CPE: variants seen among roughly 807,000 people sequenced by gnomAD.
CPE encodes the protein carbocypeptidase E.
Under a neutral mutation model 53.5 loss-of-function variants are expected in CPE, and 17 were observed. The observed-to-expected ratio is 0.32, with a 90% CI of 0.22 to 0.48. The LOEUF is 0.48. Among genes scored for constraint, CPE ranks in the 20% least tolerant of loss-of-function variants. The pLI, the probability that CPE is intolerant of heterozygous loss-of-function variation, is 0.99. For missense variants in CPE, 524 were observed against 614.7 expected (o/e 0.85, Z 1.56); for synonymous variants, 226 against 228.8 (o/e 0.99, Z 0.11).
At chr4:165,387,283 G>A (rs1730609037) in intron 1 of CPE, among the ~76,000 whole-genome samples, 1 of 152,168 alleles carries the variant, frequency 6.6e-6, no homozygotes, top group African/African-American at 2.4e-5. Context: ...GTTAAGCAAA[G>A]ATAAATGAAT....
chr4:165,409,405 T>C (rs1731001495), intron 1 of CPE, among the ~76,000 whole-genome samples: 1 of 152,148 alleles, frequency 6.6e-6, no homozygotes, highest in South Asian at 2.1e-4. Flanking sequence ...GGTTTCGCCA[T>C]GTTGGCCTAG....
chr4:165,405,677 GT>G, intron 1 of CPE: 1 of 791,620 alleles, frequency 1.3e-6, no homozygotes. Flanking sequence ...TCCTCTGGAA[GT>G]TTTAGTCCTG....
chr4:165,487,646 T>C (rs1314777998), intron 6 of CPE, 69 bp downstream of exon 6: 1 of 1,550,582 alleles, frequency 6.4e-7, no homozygotes, highest in Non-Finnish European at 8.8e-7. Flanking sequence ...AATGGTCTTG[T>C]AAGAGGAGTC....
chr4:165,396,612 A>G (rs1461444812), intron 1 of CPE, among the ~76,000 whole-genome samples: 1 of 151,268 alleles, frequency 6.6e-6, no homozygotes, highest in Admixed American at 6.6e-5. Flanking sequence ...TGGAGGTTGC[A>G]GTGAGATGAG....
At chr4:165,495,448 C>A in intron 7 of CPE, 111 bp from the exon 8 acceptor site, 1 of 644,786 alleles carries the variant, frequency 1.6e-6, no homozygotes, top group Non-Finnish European at 2.6e-6. Flanking sequence ...AATCGAGAAT[C>A]AAAAAAGGTG....
chr4:165,478,357 G>A (rs1275712319), intron 3 of CPE, among the ~76,000 whole-genome samples: 1 of 152,078 alleles, frequency 6.6e-6, no homozygotes, highest in Non-Finnish European at 1.5e-5. Context: ...AATAGTCAAA[G>A]GGAAATTTAG....
intron 3 of CPE, among the ~76,000 whole-genome samples, chr4:165,479,991 C>CAA (rs80059796): frequency 7.9e-5 from 5 of 63,676 alleles, no homozygotes; most frequent in African/African-American, 1.2e-4. Context: ...GACTCCGCCT[C>CAA]AAAAAAAAAA....
intron 3 of CPE, among the ~76,000 whole-genome samples, chr4:165,470,972 A>C (rs532389862): frequency 6.6e-6 from 1 of 152,290 alleles, no homozygotes; most frequent in South Asian, 2.1e-4. Context: ...GGTCCTCTGT[A>C]GAAGGGTGAC....
At chr4:165,437,571 T>C (rs1354580890) in intron 1 of CPE, among the ~76,000 whole-genome samples, 1 of 152,172 alleles carries the variant, frequency 6.6e-6, no homozygotes, top group Non-Finnish European at 1.5e-5. Context: ...GAAGGCACAG[T>C]TGTGGCTCTT....
chr4:165,402,831 C>T (rs113316142), intron 1 of CPE, among the ~76,000 whole-genome samples: 3,030 of 152,268 alleles, frequency 0.02, 87 homozygotes, highest in East Asian at 0.057. Flanking sequence ...CACAAAAAGA[C>T]TTACTCTCCC....
chr4:165,383,801 T>C (rs1040549709), intron 1 of CPE, among the ~76,000 whole-genome samples: 1 of 152,190 alleles, frequency 6.6e-6, no homozygotes, highest in Non-Finnish European at 1.5e-5. Flanking sequence ...TGGCAAATGG[T>C]TACAACTAAG....
intron 1 of CPE, among the ~76,000 whole-genome samples, chr4:165,421,910 T>A (rs1165342451): frequency 3.9e-5 from 6 of 152,224 alleles, no homozygotes; most frequent in Non-Finnish European, 8.8e-5. Flanking sequence ...TTCTGTTTTT[T>A]AAAATAGTTT....
intron 1 of CPE, among the ~76,000 whole-genome samples, chr4:165,383,667 G>A (rs1337548525): frequency 1.3e-5 from 2 of 152,142 alleles, no homozygotes; most frequent in Non-Finnish European, 2.9e-5. Flanking sequence ...ATGCCAGTAT[G>A]AATTTGCCAA....
chr4:165,426,058 A>G (rs1435612396), intron 1 of CPE, among the ~76,000 whole-genome samples: 1 of 152,232 alleles, frequency 6.6e-6, no homozygotes, highest in Non-Finnish European at 1.5e-5. Flanking sequence ...CTCACAAGCT[A>G]TGATCAAGAG....
intron 4 of CPE, 37 bp from the exon 5 acceptor site, chr4:165,484,385 G>A (rs370109170): frequency 5.7e-5 from 91 of 1,589,434 alleles, no homozygotes; most frequent in Non-Finnish European, 7.6e-5. Flanking sequence ...TGCTTGGTCT[G>A]TGTCTGTTTC....
At chr4:165,447,602 A>G in intron 1 of CPE, among the ~76,000 whole-genome samples, 1 of 151,622 alleles carries the variant, frequency 6.6e-6, no homozygotes, top group East Asian at 1.9e-4. Flanking sequence ...AAAGAAAAGA[A>G]AAGAAATATC....
chr4:165,392,033 G>C (rs1730687880), intron 1 of CPE, among the ~76,000 whole-genome samples: 1 of 151,796 alleles, frequency 6.6e-6, no homozygotes, highest in African/African-American at 2.4e-5. Flanking sequence ...CATTGTGCCA[G>C]ATAATTATGT....
intron 1 of CPE, among the ~76,000 whole-genome samples, chr4:165,427,932 T>C (rs1269989160): frequency 6.6e-6 from 1 of 152,274 alleles, no homozygotes; most frequent in African/African-American, 2.4e-5. Flanking sequence ...TAATGTTGTT[T>C]ATTACTTATG....
At chr4:165,406,533 A>C (rs948922546) in intron 1 of CPE, among the ~76,000 whole-genome samples, 1 of 152,158 alleles carries the variant, frequency 6.6e-6, no homozygotes. Context: ...CTTTTATTAA[A>C]TATTTTAATA....
Sources: gnomAD v4.1 joint callset for allele counts (sites outside exome capture counted in the v4.1 genomes callset) on GRCh38, gnomAD v4.1.1 for gene constraint, MANE v1.5 for transcripts, NCBI Gene and HGNC (gene_info 2026-07-23, HGNC 2026-07-21) for gene names.